The following FMN1 variants were observed in gnomAD, a reference collection of about 807,000 sequenced individuals.
The protein encoded by FMN1 is formin 1.
In FMN1, 110 loss-of-function variants were observed where a neutral mutation model predicts 132.4. The ratio of observed to expected loss-of-function variants is 0.83; its 90% CI spans 0.71 to 0.97. The LOEUF is 0.97. Among genes scored for constraint, FMN1 ranks in the 50% least tolerant of loss-of-function variants. FMN1 has a pLI of 0.00. For missense variants in FMN1, 1,792 were observed against 1,705.3 expected (o/e 1.05, Z -0.90); for synonymous variants, 722 against 651.7 (o/e 1.11, Z -1.64).
At chr15:33,005,012 G>A (rs981191532) in intron 7 of FMN1, among the ~76,000 whole-genome samples, 5 of 152,066 alleles carry the variant, frequency 3.3e-5, no homozygotes, top group African/African-American at 7.2e-5. Context: ...ACACAGGAAC[G>A]GGAACATCAC....
At chr15:33,020,577 G>A (rs1020774741) in intron 6 of FMN1, among the ~76,000 whole-genome samples, 1 of 151,262 alleles carries the variant, frequency 6.6e-6, no homozygotes, top group African/African-American at 2.4e-5. Context: ...AACCCAGGAG[G>A]TGGAGAGTTG....
intron 6 of FMN1, among the ~76,000 whole-genome samples, chr15:33,035,010 G>A (rs1265805014): frequency 6.6e-6 from 1 of 152,178 alleles, no homozygotes; most frequent in Non-Finnish European, 1.5e-5. Flanking sequence ...CCTTTTGACA[G>A]ATGGCAAAAC....
chr15:33,082,815 A>G (rs1378418236), intron 5 of FMN1, among the ~76,000 whole-genome samples: 4 of 152,294 alleles, frequency 2.6e-5, no homozygotes, highest in African/African-American at 7.2e-5. Flanking sequence ...TTCAAAAGTA[A>G]TATCTAGGAG....
intron 7 of FMN1, among the ~76,000 whole-genome samples, chr15:32,980,475 T>C (rs941396820): frequency 6.6e-5 from 10 of 152,316 alleles, no homozygotes; most frequent in Admixed American, 6.5e-4. Flanking sequence ...AAACTCAGTT[T>C]TCACACTATA....
At chr15:33,003,745 A>G (rs936789399) in intron 7 of FMN1, among the ~76,000 whole-genome samples, 44 of 152,356 alleles carry the variant, frequency 2.9e-4, no homozygotes, top group Non-Finnish European at 6.2e-4. Flanking sequence ...AGTCAATCCT[A>G]AGCCAAAAGA....
chr15:33,110,849 A>G (rs1312326989), intron 4 of FMN1, among the ~76,000 whole-genome samples: 1 of 152,078 alleles, frequency 6.6e-6, no homozygotes, highest in East Asian at 1.9e-4. Flanking sequence ...AAATTTTCCC[A>G]CATTAAAACA....
chr15:32,934,975 G>A (rs1413576407), intron 9 of FMN1, among the ~76,000 whole-genome samples: 2 of 150,768 alleles, frequency 1.3e-5, no homozygotes, highest in African/African-American at 4.9e-5. Context: ...CAGACAGAGT[G>A]CAATGGCATG....
chr15:33,076,924 C>A lies in FMN1; in HGVS notation c.2044-11850G>T, dbSNP rs181730242. Among the ~76,000 whole-genome samples, 6 of 152,256 alleles carry A rather than the reference C, an allele frequency of 3.9e-5. No individual in the cohort carries two copies. In the South Asian group the frequency reaches 6.2e-4, roughly 16 times the overall value. On this transcript the variant is annotated intron_variant, in intron 5 of 20. Coordinates refer to ENST00000616417, the MANE Select transcript of FMN1 (RefSeq NM_001277313.2). ...CCTGAATCAGCAATGATTCTTTGAT[C>A]CTAATACCCACATGATTAATTCAGA...
Position 32,771,059 on chromosome 15 carries a change from C to G in FMN1, c.*3251G>C, listed in dbSNP as rs1320049473. On this transcript the variant is annotated 3_prime_UTR_variant, in exon 21 of 21. Coordinates refer to ENST00000616417, the MANE Select transcript of FMN1 (RefSeq NM_001277313.2). ...AAAGCCATACAGCACACCTCCTAAC[C>G]TGGTTTTTGATACTTCATGGGCCTG... 1 of 151,126 alleles carries G rather than the reference C, an allele frequency of 6.6e-6. No individual in the cohort carries two copies. The highest frequency in any genetic ancestry group is 1.5e-5 in the Non-Finnish European group (1 of 67,886). 9.4% of individuals were successfully genotyped at this position (151,126 alleles called of 1,614,324 possible).
At chr15:33,089,948 G>A (rs1479059232) in intron 4 of FMN1, among the ~76,000 whole-genome samples, 2 of 152,172 alleles carry the variant, frequency 1.3e-5, no homozygotes, top group Non-Finnish European at 2.9e-5. Context: ...ATGCCCTTTA[G>A]TACAGAAAAC....
rs540362597 is a variant in FMN1, at chr15:33,091,917, T to G, written c.1868-2943A>C. Among the ~76,000 whole-genome samples, 29 of 152,308 alleles carry G rather than the reference T, an allele frequency of 1.9e-4. No individual in the cohort carries two copies. In the South Asian group the frequency reaches 6.0e-3, roughly 32 times the overall value. On this transcript the variant is annotated intron_variant, in intron 4 of 20. Transcript: ENST00000616417. ...GGGGGTGTTAGATCTTTAGAGAATA[T>G]TTTGTGAAAAACTGAATCAGTCTTA...
At chr15:33,113,144 G>A (rs921381206) in intron 4 of FMN1, among the ~76,000 whole-genome samples, 13 of 152,154 alleles carry the variant, frequency 8.5e-5, no homozygotes, top group African/African-American at 2.2e-4. Context: ...ATTTATTGGT[G>A]TAATTTGGAT....
At chr15:32,870,152 C>A (rs1156976665) in intron 16 of FMN1, among the ~76,000 whole-genome samples, 2 of 152,100 alleles carry the variant, frequency 1.3e-5, no homozygotes, top group African/African-American at 4.8e-5. Context: ...TTGATAGTTT[C>A]CTTTCATGGT....
In FMN1 at chr15:32,994,212, C is replaced by CCTCT. The variant is rs771176022; in HGVS notation, c.2223+13798_2223+13801dup. Among the ~76,000 whole-genome samples the CCTCT allele has an allele frequency of 6.8e-3, 997 of 146,480 alleles. 8 individuals carry two copies. The highest frequency in any genetic ancestry group is 0.023 in the African/African-American group (916 of 39,786). On this transcript the variant is annotated intron_variant, in intron 7 of 20. Coordinates refer to ENST00000616417, the MANE Select transcript of FMN1 (RefSeq NM_001277313.2). ...AATAAATTGTTGAATAGAACTCATT[C>CCTCT]CTCTCTCTCTCTCTCTCTCTCACAC...
chr15:32,805,443 C>T lies in FMN1; in HGVS notation c.3929-1111G>A, dbSNP rs545956074. ...TAGATTGCAAAAATTTTCTCCCATT[C>T]TGTAGGTTGCCTGTTCACTCTGATG... is the stretch of plus-strand genomic sequence containing the variant. On this transcript the variant is annotated intron_variant, in intron 17 of 20. Coordinates refer to ENST00000616417, the MANE Select transcript of FMN1 (RefSeq NM_001277313.2). Among the ~76,000 whole-genome samples, 238 of 152,164 alleles carry T rather than the reference C, an allele frequency of 1.6e-3. 1 individual carries two copies. Among genetic ancestry groups the T allele is most frequent in the African/African-American group, 5.6e-3 (232 of 41,502 alleles).
chr15:33,005,683 G>A (rs2034377932), intron 7 of FMN1, among the ~76,000 whole-genome samples: 1 of 152,172 alleles, frequency 6.6e-6, no homozygotes, highest in Admixed American at 6.5e-5. Context: ...CTGGTCTACA[G>A]TTTGTGGAAA....
intron 3 of FMN1, among the ~76,000 whole-genome samples, chr15:33,161,647 A>C (rs910309976): frequency 2.0e-5 from 3 of 152,306 alleles, no homozygotes; most frequent in Admixed American, 2.0e-4. Flanking sequence ...GGCTGGGCGC[A>C]GTGGCTCACG....
chr15:32,807,744 G>A (rs1416744233), intron 17 of FMN1, among the ~76,000 whole-genome samples: 1 of 152,180 alleles, frequency 6.6e-6, no homozygotes, highest in African/African-American at 2.4e-5. Context: ...TGTAAAAAGA[G>A]GTATTATTAA....
chr15:32,809,964 G>T (rs2057816673), intron 17 of FMN1, among the ~76,000 whole-genome samples: 1 of 151,618 alleles, frequency 6.6e-6, no homozygotes, highest in African/African-American at 2.4e-5. Context: ...CTTTCACCCA[G>T]GCTGGAGTGC....
Sources: gnomAD v4.1 joint callset for allele counts (sites outside exome capture counted in the v4.1 genomes callset) on GRCh38, gnomAD v4.1.1 for gene constraint, MANE v1.5 for transcripts, NCBI Gene and HGNC (gene_info 2026-07-23, HGNC 2026-07-21) for gene names.